The following ZEB2 variants were observed in gnomAD, a reference collection of about 807,000 sequenced individuals.
ZEB2 encodes the protein zinc finger E-box binding homeobox 2, also known as zinc finger E-box-binding homeobox 2.
ZEB2 carries 6 observed loss-of-function variants against 99.9 expected under a neutral mutation model. The observed-to-expected ratio is 0.06, with a 90% CI of 0.03 to 0.12. ZEB2 has a LOEUF of 0.12. Ranked by LOEUF, ZEB2 falls within the 10% of genes least tolerant of loss-of-function variation. The probability of loss-of-function intolerance (pLI) is 1.00; values close to 1 mark genes in which losing one functional copy is unlikely to be tolerated. For missense variants in ZEB2, 969 were observed against 1,502.8 expected (o/e 0.64, Z 5.87); for synonymous variants, 517 against 542.5 (o/e 0.95, Z 0.65).
At chr2:144,465,309 T>C (rs925305148) in intron 2 of ZEB2, among the ~76,000 whole-genome samples, 1 of 152,186 alleles carries the variant, frequency 6.6e-6, no homozygotes, top group Non-Finnish European at 1.5e-5. Flanking sequence ...GCCTGGTCCA[T>C]GGTGGACAGT....
chr2:144,431,709 G>A (rs1450465864), intron 2 of ZEB2, among the ~76,000 whole-genome samples: 1 of 150,532 alleles, frequency 6.6e-6, no homozygotes, highest in East Asian at 2.0e-4. Context: ...TAGCTGTGTG[G>A]TCCAGATATA....
At chr2:144,513,136 T>G in intron 2 of ZEB2, 1 of 1,285,886 alleles carries the variant, frequency 7.8e-7, no homozygotes, top group South Asian at 1.2e-5. Flanking sequence ...GACTGCATTT[T>G]CTTTCCTTTT....
At chr2:144,413,545 C>T (rs1703493705) in intron 4 of ZEB2, among the ~76,000 whole-genome samples, 1 of 152,130 alleles carries the variant, frequency 6.6e-6, no homozygotes, top group South Asian at 2.1e-4. Flanking sequence ...CTTTCTCCAC[C>T]TTATTTTTAA....
intron 8 of ZEB2, among the ~76,000 whole-genome samples, chr2:144,396,818 G>A (rs1009314048): frequency 2.6e-5 from 4 of 152,120 alleles, no homozygotes; most frequent in Non-Finnish European, 5.9e-5. Context: ...AGATCTCACT[G>A]TTTTTTAAGG....
chr2:144,407,399 T>G (rs931810210), intron 4 of ZEB2, among the ~76,000 whole-genome samples: 1 of 152,268 alleles, frequency 6.6e-6, no homozygotes, highest in Admixed American at 6.5e-5. Context: ...CCTTGCTGTA[T>G]GCACAATGTC....
At chr2:144,424,300 TA>T (rs775321532) in intron 4 of ZEB2, 1 of 501,846 alleles carries the variant, frequency 2.0e-6, no homozygotes, top group South Asian at 1.5e-5. Context: ...TGCAGAGAAT[TA>T]CAAGTAAAGA....
Position 144,385,280 on chromosome 2 carries a change from A to G in ZEB2, c.*4171T>C, listed in dbSNP as rs1345924075. ...ATTATATGATCAAGTGAGTGAACCA[A>G]TTAATCATTAGAAACAAATGTCATT... On this transcript the variant is annotated 3_prime_UTR_variant, in exon 10 of 10. Coordinates refer to ENST00000627532, the MANE Select transcript of ZEB2 (RefSeq NM_014795.4). 2 of 144,150 alleles carry G rather than the reference A, an allele frequency of 1.4e-5. No individual in the cohort carries two copies. Among genetic ancestry groups the G allele is most frequent in the African/African-American group, 5.9e-5 (2 of 33,882 alleles). The allele number at this position is 144,150 out of a possible 1,614,324, so 8.9% of individuals were successfully genotyped here. A position where few individuals can be genotyped will look rare whatever the true frequency, so the allele number is the denominator to read the frequency against.
chr2:144,497,217 T>C (rs1422737583), intron 2 of ZEB2, among the ~76,000 whole-genome samples: 1 of 152,166 alleles, frequency 6.6e-6, no homozygotes, highest in Non-Finnish European at 1.5e-5. Flanking sequence ...CCAGATCTAG[T>C]TGTGCCATCC....
At chr2:144,400,364 G>T in intron 7 of ZEB2, 94 bp from the exon 8 acceptor site, 1 of 1,339,190 alleles carries the variant, frequency 7.5e-7, no homozygotes, top group East Asian at 2.4e-5. Context: ...CCAAACAAAA[G>T]GAACACAATG....
chr2:144,420,977 G>A (rs1474808669), intron 4 of ZEB2, among the ~76,000 whole-genome samples: 1 of 152,200 alleles, frequency 6.6e-6, no homozygotes, highest in Non-Finnish European at 1.5e-5. Flanking sequence ...TTATAGGAAA[G>A]ATGTGGGCTG....
At chr2:144,454,159 T>C (rs925486370) in intron 2 of ZEB2, among the ~76,000 whole-genome samples, 3 of 152,252 alleles carry the variant, frequency 2.0e-5, no homozygotes, top group Non-Finnish European at 4.4e-5. Flanking sequence ...GTGTTTCCTC[T>C]TTGCAAAGTA....
At chr2:144,498,459 C>A (rs574416789) in intron 2 of ZEB2, among the ~76,000 whole-genome samples, 101 of 151,870 alleles carry the variant, frequency 6.7e-4, no homozygotes, top group Non-Finnish European at 1.3e-3. Context: ...TCCAGGAAGC[C>A]ATTCTTTGAT....
intron 6 of ZEB2, among the ~76,000 whole-genome samples, chr2:144,402,843 A>G (rs1703331067): frequency 6.6e-6 from 1 of 152,230 alleles, no homozygotes; most frequent in Non-Finnish European, 1.5e-5. Flanking sequence ...TCAGATATAA[A>G]TGGAATAATT....
At chr2:144,453,545 C>T (rs1397601898) in intron 2 of ZEB2, among the ~76,000 whole-genome samples, 1 of 152,220 alleles carries the variant, frequency 6.6e-6, no homozygotes, top group Non-Finnish European at 1.5e-5. Context: ...AGTCTAGCTT[C>T]ACTGTCACTT....
At chr2:144,417,036 C>T (rs151008048) in intron 4 of ZEB2, among the ~76,000 whole-genome samples, 227 of 152,290 alleles carry the variant, frequency 1.5e-3, no homozygotes, top group African/African-American at 5.1e-3. Flanking sequence ...ATTTCGTATT[C>T]GTCTACCACT....
chr2:144,452,118 G>A (rs908468827), intron 2 of ZEB2, among the ~76,000 whole-genome samples: 1 of 152,056 alleles, frequency 6.6e-6, no homozygotes, highest in African/African-American at 2.4e-5. Flanking sequence ...GCTGACTAAA[G>A]CCTTTTAATG....
chr2:144,429,966 T>G lies in ZEB2; in HGVS notation c.134A>C (p.His45Pro). ...GSETDEEDKL[H>P]IAEDDGIANP... ...GGCAATACCGTCATCCTCAGCAATA[T>G]GAAGCTTGTCTTCCTCATCTGTTTC... The change falls in exon 3 of 10, where the codon CAT becomes CCT. Residue 45 changes from histidine to proline, a missense_variant. This residue lies in a region of ZEB2 where 173 missense variants were observed against 217.7 expected (regional missense o/e 0.79). Transcript: ENST00000627532. The G allele has an allele frequency of 6.2e-7, 1 of 1,613,918 alleles. No individual in the cohort carries two copies. Among genetic ancestry groups the G allele is most frequent in the Non-Finnish European group, 8.5e-7 (1 of 1,179,898 alleles).
chr2:144,477,052 C>T (rs1704439946), intron 2 of ZEB2, among the ~76,000 whole-genome samples: 1 of 152,088 alleles, frequency 6.6e-6, no homozygotes, highest in Admixed American at 6.5e-5. Flanking sequence ...ATGTATGAAA[C>T]CTGTTCACTC....
intron 4 of ZEB2, among the ~76,000 whole-genome samples, chr2:144,419,514 A>G (rs1703591050): frequency 6.6e-6 from 1 of 152,218 alleles, no homozygotes; most frequent in Non-Finnish European, 1.5e-5. Flanking sequence ...GGATATTGAT[A>G]TGCACGTGGA....
Sources: gnomAD v4.1 joint callset for allele counts (sites outside exome capture counted in the v4.1 genomes callset) on GRCh38, gnomAD v4.1.1 for gene constraint, gnomAD v4.1.1 regional missense constraint, MANE v1.5 for transcripts, NCBI Gene and HGNC (gene_info 2026-07-23, HGNC 2026-07-21) for gene names.